CNST: variants seen among roughly 807,000 people sequenced by gnomAD.
CNST encodes the protein consortin, connexin sorting protein.
In CNST, 39 loss-of-function variants were observed where a neutral mutation model predicts 72.4. The ratio of observed to expected loss-of-function variants is 0.54; its 90% CI spans 0.42 to 0.70. The LOEUF is 0.70. Ranked by LOEUF, CNST falls within the 30% of genes least tolerant of loss-of-function variation. CNST has a pLI of 0.00. For synonymous variants in CNST, 332 were observed against 320.1 expected (o/e 1.04, Z -0.40); for missense variants, 871 against 868.5 (o/e 1.00, Z -0.04).
At chr1:246,622,731 C>T (rs61852394) in intron 3 of CNST, among the ~76,000 whole-genome samples, 6,636 of 142,856 alleles carry the variant, frequency 0.046, 201 homozygotes, top group Middle Eastern at 0.092. Flanking sequence ...GCCTTTAGGC[C>T]GGTGGTGAGG....
chr1:246,647,846 A>G lies in CNST; in HGVS notation c.1645A>G (p.Asn549Asp), dbSNP rs1434695393. Reference sequence around the variant, plus strand: ...CAACAAAGAAACAGAAGACTATTTGAACAGCCTTTTAGAAGGATGTTTAAA... The same window carrying G: ...CAACAAAGAAACAGAAGACTATTTGGACAGCCTTTTAGAAGGATGTTTAAA... The part of the protein sequence containing the change: ...QLNKETEDYL[N>D]SLLEGCLKDT... Residue 549 changes from asparagine to aspartate, a missense_variant, in exon 9 of 11, where the codon AAC (asparagine) becomes GAC (aspartate). By Grantham distance (23) the Asn-to-Asp change is conservative. Coordinates refer to ENST00000366513, the MANE Select transcript of CNST (RefSeq NM_152609.3). 1 of 1,614,208 alleles carries G rather than the reference A, an allele frequency of 6.2e-7. No homozygotes were observed. The highest frequency in any genetic ancestry group is 8.5e-7 in the Non-Finnish European group (1 of 1,180,038).
At chr1:246,657,517 G>A (rs1666837152) in intron 9 of CNST, among the ~76,000 whole-genome samples, 1 of 152,198 alleles carries the variant, frequency 6.6e-6, no homozygotes. Context: ...TGTGACGGAG[G>A]GGGTGTCAAA....
chr1:246,572,799 G>T (rs1424701049), intron 1 of CNST, among the ~76,000 whole-genome samples: 1 of 152,150 alleles, frequency 6.6e-6, no homozygotes, highest in African/African-American at 2.4e-5. Context: ...CTGAGCTCGA[G>T]CAGAGTGCCT....
chr1:246,569,991 G>T (rs889141619), intron 1 of CNST: 5 of 815,966 alleles, frequency 6.1e-6, no homozygotes, highest in Non-Finnish European at 7.4e-6. Flanking sequence ...TCAGTTTCAG[G>T]TAAGGCTAAG....
intron 9 of CNST, among the ~76,000 whole-genome samples, chr1:246,650,159 G>A (rs1346027493): frequency 2.0e-5 from 3 of 152,112 alleles, no homozygotes; most frequent in African/African-American, 4.8e-5. Context: ...TTAAATTAAT[G>A]TTGCGTATTA....
At chr1:246,633,067 C>T (rs1664877412) in intron 4 of CNST, among the ~76,000 whole-genome samples, 1 of 152,164 alleles carries the variant, frequency 6.6e-6, no homozygotes, top group Admixed American at 6.5e-5. Flanking sequence ...GCATTAAAAC[C>T]TTCTTTTAGT....
intron 4 of CNST, among the ~76,000 whole-genome samples, chr1:246,633,316 G>T (rs1392794965): frequency 6.6e-6 from 1 of 152,048 alleles, no homozygotes; most frequent in Non-Finnish European, 1.5e-5. Flanking sequence ...GGGCATGATG[G>T]TGCATGCCTG....
At chr1:246,606,971 G>T (rs1335392294) in intron 2 of CNST, 1 of 113,562 alleles carries the variant, frequency 8.8e-6, no homozygotes, top group East Asian at 2.1e-4. Flanking sequence ...TGTGGCAGAA[G>T]AGTTAGTGGT....
At chr1:246,636,327 C>T (rs557414774) in intron 6 of CNST, among the ~76,000 whole-genome samples, 2 of 152,100 alleles carry the variant, frequency 1.3e-5, no homozygotes, top group Non-Finnish European at 2.9e-5. Flanking sequence ...GTGTCCAGGT[C>T]GACGGGCGTT....
chr1:246,654,124 G>A (rs771514473), intron 9 of CNST, among the ~76,000 whole-genome samples: 9 of 152,046 alleles, frequency 5.9e-5, no homozygotes, highest in South Asian at 2.1e-4. Context: ...TGTACTACTC[G>A]ACATTCAGGA....
intron 3 of CNST, among the ~76,000 whole-genome samples, chr1:246,627,232 T>C (rs1457115548): frequency 2.6e-5 from 4 of 152,220 alleles, no homozygotes; most frequent in African/African-American, 9.6e-5. Flanking sequence ...CTCCGATGGC[T>C]TCCCTTCTCA....
intron 6 of CNST, among the ~76,000 whole-genome samples, chr1:246,638,644 T>C (rs1447956442): frequency 6.6e-6 from 1 of 152,164 alleles, no homozygotes; most frequent in African/African-American, 2.4e-5. Context: ...GGGGAGCAGA[T>C]TGGCTTCAAT....
chr1:246,632,650 A>C (rs1374898611), intron 4 of CNST, among the ~76,000 whole-genome samples: 1 of 152,210 alleles, frequency 6.6e-6, no homozygotes, highest in Non-Finnish European at 1.5e-5. Flanking sequence ...TGCCCAGAGG[A>C]AGGTAGGCAG....
intron 1 of CNST, among the ~76,000 whole-genome samples, chr1:246,576,424 A>G (rs1354918340): frequency 6.7e-6 from 1 of 148,560 alleles, no homozygotes; most frequent in Non-Finnish European, 1.5e-5. Flanking sequence ...TTTTTTTTGC[A>G]TGTCATAATT....
intron 6 of CNST, among the ~76,000 whole-genome samples, chr1:246,638,722 T>C (rs1665477167): frequency 6.6e-6 from 1 of 152,252 alleles, no homozygotes; most frequent in Non-Finnish European, 1.5e-5. Context: ...GGAACTGCCA[T>C]CTACAAACCA....
chr1:246,641,603 A>T, intron 6 of CNST, 146 bp from the exon 7 acceptor site: 2 of 597,464 alleles, frequency 3.3e-6, no homozygotes, highest in Non-Finnish European at 3.0e-6. Context: ...AGCCAGTGGT[A>T]ATGTTTCAGC....
intron 10 of CNST, 25 bp downstream of exon 10, chr1:246,660,359 G>A: frequency 1.9e-6 from 3 of 1,604,108 alleles, no homozygotes; most frequent in Non-Finnish European, 2.5e-6. Flanking sequence ...ACTGTGGCTA[G>A]CAGGATAGAT....
At chr1:246,608,340 GT>G (rs1164860150) in intron 2 of CNST, among the ~76,000 whole-genome samples, 6 of 151,976 alleles carry the variant, frequency 3.9e-5, no homozygotes, top group Non-Finnish European at 8.8e-5. Flanking sequence ...TGTCTTTAAC[GT>G]TTTTTTAAAA....
At chr1:246,643,214 A>T (rs556057549) in intron 8 of CNST, among the ~76,000 whole-genome samples, 4 of 152,242 alleles carry the variant, frequency 2.6e-5, no homozygotes. Context: ...TTTACAAAGT[A>T]TATTTTTATT....
Sources: allele counts gnomAD v4.1 joint callset (sites outside exome capture counted in the v4.1 genomes callset), GRCh38; gene constraint gnomAD v4.1.1; transcripts MANE v1.5; gene names NCBI Gene and HGNC (gene_info 2026-07-23, HGNC 2026-07-21).